Variants in DOCK2 observed in about 807,000 individuals in gnomAD.
The protein encoded by DOCK2 is dedicator of cytokinesis protein 2.
A neutral mutation model predicts 248.9 loss-of-function variants in DOCK2; 87 were observed. That is an observed-to-expected ratio of 0.35 (90% CI 0.29 to 0.42). The LOEUF is 0.42. Ranked by LOEUF, DOCK2 falls within the 10% of genes least tolerant of loss-of-function variation. The probability of loss-of-function intolerance (pLI) is 1.00; values close to 1 mark genes in which losing one functional copy is unlikely to be tolerated. For missense variants in DOCK2, 1,747 were observed against 2,300.2 expected, an observed-to-expected ratio of 0.76 and a Z score of 4.92; for synonymous variants, 805 against 821.6, an observed-to-expected ratio of 0.98 and a Z score of 0.35.
At chr5:169,759,520 A>C (rs983064509) in intron 23 of DOCK2, among the ~76,000 whole-genome samples, 185 bp from the exon 24 acceptor site, 1 of 152,222 alleles carries the variant, frequency 6.6e-6, no homozygotes, top group Non-Finnish European at 1.5e-5. Flanking sequence ...TTGTGACTTC[A>C]CTTTTGTATA....
At chr5:169,896,284 G>A (rs1463699125) in intron 27 of DOCK2, among the ~76,000 whole-genome samples, 1 of 152,170 alleles carries the variant, frequency 6.6e-6, no homozygotes, top group African/African-American at 2.4e-5. Context: ...TTTATCTGAA[G>A]TACCGGGACC....
chr5:169,672,565 C>T (rs1187099841), intron 5 of DOCK2, among the ~76,000 whole-genome samples: 1 of 152,148 alleles, frequency 6.6e-6, no homozygotes, highest in African/African-American at 2.4e-5. Context: ...CTGCATCATT[C>T]CAGCAGTTCT....
chr5:169,939,969 T>C (rs1450447461), intron 27 of DOCK2, among the ~76,000 whole-genome samples: 3 of 152,220 alleles, frequency 2.0e-5, no homozygotes, highest in Admixed American at 6.5e-5. Context: ...TAAGGATAGT[T>C]GGCTATGAAG....
At chr5:169,948,329 T>C (rs1312330633) in intron 27 of DOCK2, among the ~76,000 whole-genome samples, 1 of 152,166 alleles carries the variant, frequency 6.6e-6, no homozygotes, top group Non-Finnish European at 1.5e-5. Context: ...ATAAGTGTTA[T>C]GAAAAAGATA....
At chr5:169,754,562 T>C (rs2113714671) in intron 23 of DOCK2, among the ~76,000 whole-genome samples, 1 of 152,308 alleles carries the variant, frequency 6.6e-6, no homozygotes, top group African/African-American at 2.4e-5. Flanking sequence ...TCAAAAACTA[T>C]TCTTACAAAG....
At chr5:170,027,132 C>T (rs1480164349) in intron 33 of DOCK2, among the ~76,000 whole-genome samples, 1 of 151,934 alleles carries the variant, frequency 6.6e-6, no homozygotes, top group Non-Finnish European at 1.5e-5. Flanking sequence ...AGGCTCACAA[C>T]CTTCCATCTT....
At chr5:169,649,159 G>A (rs76997212) in intron 1 of DOCK2, among the ~76,000 whole-genome samples, 1 of 152,172 alleles carries the variant, frequency 6.6e-6, no homozygotes, top group Non-Finnish European at 1.5e-5. Context: ...AGTGAGCTTC[G>A]GGCAATTACA....
At chr5:169,866,373 T>C (rs1325881157) in intron 27 of DOCK2, among the ~76,000 whole-genome samples, 1 of 152,212 alleles carries the variant, frequency 6.6e-6, no homozygotes, top group Non-Finnish European at 1.5e-5. Context: ...TGTGAGATCT[T>C]GGGGAAGTCA....
chr5:169,804,483 T>C (rs2077711), intron 26 of DOCK2, among the ~76,000 whole-genome samples: 3,495 of 64,142 alleles, frequency 0.054, 142 homozygotes, highest in African/African-American at 0.12. Context: ...TGTGTGTGTG[T>C]GTGCGCGCGC....
intron 32 of DOCK2, among the ~76,000 whole-genome samples, chr5:170,015,869 TC>T (rs1215358368): frequency 7.5e-6 from 1 of 132,548 alleles, no homozygotes; most frequent in African/African-American, 2.8e-5. Context: ...CCTCCCTCCC[TC>T]CTTTCTTCCT....
At chr5:169,686,460 C>T (rs1170527203) in intron 8 of DOCK2, among the ~76,000 whole-genome samples, 1 of 151,888 alleles carries the variant, frequency 6.6e-6, no homozygotes, top group African/African-American at 2.4e-5. Flanking sequence ...GAGGGCCAGC[C>T]CAGGGAGAGT....
At chr5:169,806,136 A>C (rs756962201) in intron 26 of DOCK2, among the ~76,000 whole-genome samples, 2 of 152,096 alleles carry the variant, frequency 1.3e-5, no homozygotes, top group Non-Finnish European at 2.9e-5. Flanking sequence ...TGAGAGGCCC[A>C]AAAGTACCTA....
chr5:169,831,456 C>T (rs1769225997), intron 26 of DOCK2, among the ~76,000 whole-genome samples: 1 of 152,146 alleles, frequency 6.6e-6, no homozygotes, highest in South Asian at 2.1e-4. Flanking sequence ...TTATGATGTT[C>T]TTTGGACAGA....
Position 169,684,358 on chromosome 5 carries a change from T to A in DOCK2, c.761+8T>A. 1 of 1,613,412 alleles carries A rather than the reference T, an allele frequency of 6.2e-7. No homozygotes were observed. Among genetic ancestry groups the A allele is most frequent in the Non-Finnish European group, 8.5e-7 (1 of 1,179,406 alleles). ...CAAGCAAACGGTCATAAGGTAGGTG[T>A]GTCCAGGGTTGCCCTACTTCTCTGA... On this transcript the variant is annotated splice_region_variant and intron_variant, in intron 8 of 51. Transcript: ENST00000520908.
At chr5:169,779,891 T>C (rs925392658) in intron 25 of DOCK2, among the ~76,000 whole-genome samples, 8 of 152,120 alleles carry the variant, frequency 5.3e-5, no homozygotes, top group Non-Finnish European at 8.8e-5. Context: ...GGAGGTGTGG[T>C]GACTGACTGT....
intron 22 of DOCK2, among the ~76,000 whole-genome samples, chr5:169,735,006 C>G (rs879620577): frequency 7.2e-5 from 11 of 152,166 alleles, no homozygotes; most frequent in African/African-American, 2.7e-4. Context: ...AGTTTAGTGA[C>G]TTATATTTAA....
At chr5:170,072,141 C>T (rs1319789452) in intron 46 of DOCK2, among the ~76,000 whole-genome samples, 1 of 152,052 alleles carries the variant, frequency 6.6e-6, no homozygotes, top group Non-Finnish European at 1.5e-5. Flanking sequence ...GGGTATATAC[C>T]TATGCATTGA....
rs138876006 is a variant in DOCK2, at chr5:169,814,253, A to G, written c.2703+11047A>G. Among the ~76,000 whole-genome samples the G allele has an allele frequency of 5.7e-3, 863 of 152,322 alleles. 10 individuals carry two copies. Among genetic ancestry groups the G allele is most frequent in the African/African-American group, 0.019 (803 of 41,568 alleles). On this transcript the variant is annotated intron_variant, in intron 26 of 51. Coordinates refer to ENST00000520908, the MANE Select transcript of DOCK2 (RefSeq NM_004946.3). ...CTGACGTCATGTGCCTCCTGACACGATGCACTGAGAAGGACTCTACATCTC... is the reference window on the plus strand; with the variant it reads ...CTGACGTCATGTGCCTCCTGACACGGTGCACTGAGAAGGACTCTACATCTC...
chr5:170,081,972 C>A lies in DOCK2; in HGVS notation c.5418C>A (p.Phe1806Leu), dbSNP rs777409271. 7.4e-6 allele frequency: 12 copies of A among 1,613,918 alleles called. No individual in the cohort carries two copies. The highest frequency in any genetic ancestry group is 1.0e-5 in the Non-Finnish European group (12 of 1,179,878). ...TCACACGGAAGAAGGTCAATCAGTTCTTCAAGACAATGGTGAGGACATTGA... is the reference window on the plus strand; with the variant it reads ...TCACACGGAAGAAGGTCAATCAGTTATTCAAGACAATGGTGAGGACATTGA... ...KTLTRKKVNQ[F>L]FKTMLASKSA... Residue 1806 changes from phenylalanine to leucine, a missense_variant, in exon 51 of 52, where the codon TTC becomes TTA. Phe to Leu is a conservative substitution (Grantham distance 22). Transcript: ENST00000520908.
Sources: allele counts gnomAD v4.1 joint callset (sites outside exome capture counted in the v4.1 genomes callset), GRCh38; gene constraint gnomAD v4.1.1; transcripts MANE v1.5; gene names NCBI Gene and HGNC (gene_info 2026-07-23, HGNC 2026-07-21).